The following TAFA2 variants were observed in gnomAD, a reference collection of about 807,000 sequenced individuals.
TAFA2 encodes the protein TAFA chemokine like family member 2, also known as chemokine-like protein TAFA-2.
In TAFA2, 7 loss-of-function variants were observed where a neutral mutation model predicts 18.8. The observed-to-expected ratio is 0.37, with a 90% CI of 0.21 to 0.70. TAFA2 has a LOEUF of 0.70. Ranked by LOEUF, TAFA2 falls within the 30% of genes least tolerant of loss-of-function variation. The pLI, the probability that TAFA2 is intolerant of heterozygous loss-of-function variation, is 0.53. For synonymous variants in TAFA2, 60 were observed against 54.2 expected (o/e 1.11, Z -0.47); for missense variants, 122 against 158.1 (o/e 0.77, Z 1.23).
intron 4 of TAFA2, among the ~76,000 whole-genome samples, chr12:61,723,252 G>A (rs1386233792): frequency 6.6e-6 from 1 of 151,996 alleles, no homozygotes; most frequent in African/African-American, 2.4e-5. Flanking sequence ...ACTAAAATAC[G>A]AGGTATTGGA....
At chr12:62,225,013 GA>G (rs1349464869) in intron 1 of TAFA2, among the ~76,000 whole-genome samples, 2 of 152,052 alleles carry the variant, frequency 1.3e-5, no homozygotes, top group African/African-American at 4.8e-5. Flanking sequence ...AGAATCACTT[GA>G]ACCCAGGAGG....
chr12:61,785,165 T>G (rs1047721432), intron 2 of TAFA2, among the ~76,000 whole-genome samples: 1 of 151,664 alleles, frequency 6.6e-6, no homozygotes, highest in Non-Finnish European at 1.5e-5. Flanking sequence ...GTTACTTCTA[T>G]AAGATCAACT....
At chr12:62,178,300 A>T (rs2062528081) in intron 1 of TAFA2, among the ~76,000 whole-genome samples, 1 of 152,204 alleles carries the variant, frequency 6.6e-6, no homozygotes, top group African/African-American at 2.4e-5. Context: ...TAAAAAATAA[A>T]ATAAAATATG....
At chr12:62,259,233 T>C (rs75122174), upstream of TAFA2, among the ~76,000 whole-genome samples, 3,338 of 152,292 alleles carry the variant, frequency 0.022, 121 homozygotes, top group African/African-American at 0.075. Context: ...ATCACACCCC[T>C]GGACATCATG....
chr12:62,060,029 T>TAC (rs756031233), intron 1 of TAFA2, among the ~76,000 whole-genome samples: 1 of 152,238 alleles, frequency 6.6e-6, no homozygotes, highest in Non-Finnish European at 1.5e-5. Context: ...AACTTAAAAT[T>TAC]ACACACATTT....
At chr12:62,238,691 T>G (rs1458077457) in intron 1 of TAFA2, among the ~76,000 whole-genome samples, 2 of 152,216 alleles carry the variant, frequency 1.3e-5, no homozygotes, top group Non-Finnish European at 2.9e-5. Flanking sequence ...TATACTTTAT[T>G]TATCTTTTTA....
intron 1 of TAFA2, among the ~76,000 whole-genome samples, chr12:62,134,579 G>A (rs1219562132): frequency 6.6e-6 from 1 of 152,006 alleles, no homozygotes; most frequent in African/African-American, 2.4e-5. Context: ...AGCCCAAGCT[G>A]AGAAAGACAA....
chr12:62,144,588 T>C (rs2062267878), intron 1 of TAFA2, among the ~76,000 whole-genome samples: 1 of 152,226 alleles, frequency 6.6e-6, no homozygotes, highest in South Asian at 2.1e-4. Context: ...GCAACTCTAC[T>C]GATTTGCCTC....
intron 1 of TAFA2, among the ~76,000 whole-genome samples, chr12:62,209,067 C>T (rs909673751): frequency 2.0e-5 from 3 of 152,186 alleles, no homozygotes; most frequent in African/African-American, 7.2e-5. Flanking sequence ...ACTTCCCCAA[C>T]ACAAGGTTTT....
intron 1 of TAFA2, among the ~76,000 whole-genome samples, chr12:61,949,517 A>G (rs1878393143): frequency 6.6e-6 from 1 of 152,082 alleles, no homozygotes; most frequent in Admixed American, 6.6e-5. Flanking sequence ...GAAATAAATA[A>G]ATGTCATACA....
chr12:62,035,300 C>G (rs972619705), intron 1 of TAFA2, among the ~76,000 whole-genome samples: 5 of 152,102 alleles, frequency 3.3e-5, no homozygotes, highest in African/African-American at 1.2e-4. Context: ...AAATTGTATT[C>G]TAATGGGAAA....
intron 1 of TAFA2, among the ~76,000 whole-genome samples, chr12:62,003,887 C>T (rs1003433752): frequency 3.9e-5 from 6 of 152,192 alleles, no homozygotes; most frequent in Non-Finnish European, 8.8e-5. Context: ...TAGACTTTCA[C>T]ATTTTTCATT....
At chr12:61,913,372 T>C (rs1876690672) in intron 1 of TAFA2, among the ~76,000 whole-genome samples, 2 of 152,218 alleles carry the variant, frequency 1.3e-5, no homozygotes, top group South Asian at 4.1e-4. Context: ...GTCAAAATAT[T>C]TTATGGATAT....
chr12:62,172,428 G>T lies in TAFA2; in HGVS notation c.-2+18831C>A, dbSNP rs180820040. Among the ~76,000 whole-genome samples the T allele has an allele frequency of 1.2e-3, 188 of 152,166 alleles. 3 individuals are homozygous for T. The highest frequency in any genetic ancestry group is 4.2e-3 in the African/African-American group (175 of 41,468). ...ATGTGTCCAAAAGAGGGCCCCAAAA[G>T]CTCCACATAGAAGGAAGTCTCTCCT... On this transcript the variant is annotated intron_variant, in intron 1 of 4. Transcript: ENST00000416284.
Position 61,928,834 on chromosome 12 carries a change from CA to C in TAFA2, c.-1-61409del, listed in dbSNP as rs543625241. 9.7e-3 allele frequency among the ~76,000 whole-genome samples: 1,467 copies of C among 151,328 alleles called. 39 individuals are homozygous for C. The highest frequency in any genetic ancestry group is 0.033 in the African/African-American group (1,380 of 41,294). Reference sequence around the variant, plus strand: ...TATACACCATAGAATGCTATGCAGCCAAAAAAAACATGAGTCTGTTGCAGGG... The same window carrying C: ...TATACACCATAGAATGCTATGCAGCCAAAAAAACATGAGTCTGTTGCAGGG... On this transcript the variant is annotated intron_variant, in intron 1 of 4. Coordinates refer to ENST00000416284, the MANE Select transcript of TAFA2 (RefSeq NM_178539.5).
At chr12:61,809,164 T>A (rs1871754857) in intron 2 of TAFA2, among the ~76,000 whole-genome samples, 1 of 151,516 alleles carries the variant, frequency 6.6e-6, no homozygotes, top group African/African-American at 2.5e-5. Flanking sequence ...AGCATAGGGT[T>A]CAACGTGCAA....
intron 1 of TAFA2, among the ~76,000 whole-genome samples, chr12:62,172,720 C>A (rs1334332155): frequency 6.6e-6 from 1 of 152,162 alleles, no homozygotes; most frequent in African/African-American, 2.4e-5. Context: ...GTGCCTAATA[C>A]AGACTAATTG....
intron 2 of TAFA2, among the ~76,000 whole-genome samples, chr12:61,854,065 A>G (rs1443858338): frequency 1.3e-5 from 2 of 152,166 alleles, no homozygotes; most frequent in Non-Finnish European, 2.9e-5. Flanking sequence ...TTTACAAGAG[A>G]TTTCAGAGTA....
intron 2 of TAFA2, among the ~76,000 whole-genome samples, chr12:61,793,754 C>T (rs532347979): frequency 9.2e-5 from 14 of 151,780 alleles, no homozygotes; most frequent in South Asian, 2.1e-4. Context: ...GTGAAGCTAG[C>T]GTTATCCTGA....
Sources: gnomAD v4.1 joint callset for allele counts (sites outside exome capture counted in the v4.1 genomes callset) on GRCh38, gnomAD v4.1.1 for gene constraint, MANE v1.5 for transcripts, NCBI Gene and HGNC (gene_info 2026-07-23, HGNC 2026-07-21) for gene names.